Variants in DLG2 observed in about 807,000 individuals in gnomAD.
The protein encoded by DLG2 is disks large homolog 2.
DLG2 carries 45 observed loss-of-function variants against 132.5 expected under a neutral mutation model. The observed-to-expected ratio is 0.34, with a 90% CI of 0.27 to 0.44. The LOEUF is 0.44. Among genes scored for constraint, DLG2 ranks in the 20% least tolerant of loss-of-function variants. The probability of loss-of-function intolerance (pLI) is 1.00; values close to 1 mark genes in which losing one functional copy is unlikely to be tolerated. For synonymous variants in DLG2, 424 were observed against 419.6 expected (o/e 1.01, Z -0.13); for missense variants, 1,045 against 1,196.9 (o/e 0.87, Z 1.87).
At chr11:84,736,597 A>C (rs2063861927) in intron 6 of DLG2, among the ~76,000 whole-genome samples, 1 of 151,702 alleles carries the variant, frequency 6.6e-6, no homozygotes, top group African/African-American at 2.4e-5. Context: ...CAATGTACTG[A>C]TTTTTTTCAC....
chr11:83,954,317 G>T (rs1483402), intron 14 of DLG2, among the ~76,000 whole-genome samples: 5 of 152,086 alleles, frequency 3.3e-5, no homozygotes, highest in African/African-American at 7.2e-5. Flanking sequence ...TTCTATGAAT[G>T]ATTCTTCATG....
At chr11:85,567,231 G>C (rs915182370) in intron 3 of DLG2, among the ~76,000 whole-genome samples, 5 of 152,072 alleles carry the variant, frequency 3.3e-5, no homozygotes, top group Admixed American at 3.3e-4. Context: ...TATTTTGATA[G>C]GGATATATTG....
chr11:85,092,383 C>A (rs1011873688), intron 6 of DLG2, among the ~76,000 whole-genome samples: 4 of 151,876 alleles, frequency 2.6e-5, no homozygotes, highest in Non-Finnish European at 4.4e-5. Flanking sequence ...ACAATCCTAA[C>A]AAATTAAAAT....
intron 5 of DLG2, among the ~76,000 whole-genome samples, chr11:85,121,788 G>A (rs1474930136): frequency 6.6e-6 from 1 of 152,088 alleles, no homozygotes; most frequent in Non-Finnish European, 1.5e-5. Flanking sequence ...CTCCATCAGA[G>A]TACAAAGATT....
rs187629127 is a variant in DLG2 at position 84,154,645 on chromosome 11, C to T, written c.624+8816G>A. ...GTATATCTCCTAATGCTATCCCTCCCCCCTTCCCCCACCCCACGACAGGCC... is the reference window on the plus strand; with the variant it reads ...GTATATCTCCTAATGCTATCCCTCCTCCCTTCCCCCACCCCACGACAGGCC... On this transcript the variant is annotated intron_variant, in intron 9 of 27. Coordinates refer to ENST00000376104, the MANE Select transcript of DLG2 (RefSeq NM_001142699.3). Among the ~76,000 whole-genome samples, 468 of 152,236 alleles carry T rather than the reference C, an allele frequency of 3.1e-3. 1 individual carries two copies. Among genetic ancestry groups the T allele is most frequent in the Non-Finnish European group, 5.3e-3 (363 of 68,020 alleles).
At chr11:84,052,060 T>C (rs2096397148) in intron 11 of DLG2, among the ~76,000 whole-genome samples, 1 of 151,742 alleles carries the variant, frequency 6.6e-6, no homozygotes, top group South Asian at 2.1e-4. Flanking sequence ...TAAGGCTAAG[T>C]TTTAATATAC....
At chr11:83,984,065 C>G (rs2093029724) in intron 11 of DLG2, among the ~76,000 whole-genome samples, 1 of 151,968 alleles carries the variant, frequency 6.6e-6, no homozygotes. Context: ...ACAAGAAGAG[C>G]TGTAGAAATA....
At chr11:84,999,405 G>A (rs895220052) in intron 6 of DLG2, among the ~76,000 whole-genome samples, 11 of 152,044 alleles carry the variant, frequency 7.2e-5, no homozygotes, top group Non-Finnish European at 1.3e-4. Context: ...TGTTCAAAGA[G>A]AGATATATCT....
intron 8 of DLG2, among the ~76,000 whole-genome samples, chr11:84,170,737 T>G (rs1269853880): frequency 6.6e-6 from 1 of 152,202 alleles, no homozygotes; most frequent in African/African-American, 2.4e-5. Context: ...CTCCTGAGTC[T>G]GTGATTTAAC....
At chr11:84,651,239 CCTTTT>C (rs1424668848) in intron 6 of DLG2, among the ~76,000 whole-genome samples, 2 of 152,196 alleles carry the variant, frequency 1.3e-5, no homozygotes, top group East Asian at 1.9e-4. Flanking sequence ...CAGGCTCACT[CCTTTT>C]CTTTTCATCT....
At chr11:84,144,371 G>C (rs1485902330) in intron 9 of DLG2, among the ~76,000 whole-genome samples, 1 of 152,068 alleles carries the variant, frequency 6.6e-6, no homozygotes, top group Non-Finnish European at 1.5e-5. Context: ...TACTCTTCCA[G>C]ATACAGGGTT....
At chr11:83,518,853 A>G (rs76247598) in intron 21 of DLG2, among the ~76,000 whole-genome samples, 12 of 152,210 alleles carry the variant, frequency 7.9e-5, no homozygotes, top group African/African-American at 1.2e-4. Flanking sequence ...AATAAAAAAA[A>G]GAAGTTTGTT....
intron 6 of DLG2, among the ~76,000 whole-genome samples, chr11:84,848,049 T>A (rs1006747461): frequency 1.3e-5 from 2 of 151,886 alleles, no homozygotes; most frequent in Admixed American, 6.6e-5. Flanking sequence ...TGAAAATGAG[T>A]CAGAGGATGG....
At chr11:84,838,037 A>G (rs1021194684) in intron 6 of DLG2, among the ~76,000 whole-genome samples, 4 of 151,896 alleles carry the variant, frequency 2.6e-5, no homozygotes, top group African/African-American at 7.2e-5. Flanking sequence ...ATTTACACAC[A>G]TAAACAAAGA....
intron 19 of DLG2, among the ~76,000 whole-genome samples, chr11:83,625,287 T>C (rs1168480509): frequency 6.6e-6 from 1 of 152,182 alleles, no homozygotes; most frequent in African/African-American, 2.4e-5. Flanking sequence ...CCTTAAATGT[T>C]CTCAAGAAAT....
At chr11:85,574,992 C>T (rs1416144930) in intron 3 of DLG2, among the ~76,000 whole-genome samples, 2 of 152,232 alleles carry the variant, frequency 1.3e-5, no homozygotes, top group Middle Eastern at 3.4e-3. Context: ...AACTATTTCT[C>T]ACCTGGAATA....
chr11:84,379,605 A>G (rs1278610740), intron 7 of DLG2, among the ~76,000 whole-genome samples: 6 of 152,134 alleles, frequency 3.9e-5, no homozygotes, highest in Non-Finnish European at 8.8e-5. Context: ...TGAGATAATT[A>G]GAAAAGAAAT....
intron 18 of DLG2, chr11:83,725,115 C>A (rs2089743264): frequency 3.7e-6 from 2 of 547,760 alleles, no homozygotes; most frequent in Admixed American, 6.0e-5. Flanking sequence ...GGATTATTTT[C>A]TCCGTTTTAA....
chr11:85,322,935 T>C lies in DLG2; in HGVS notation c.41-37570A>G, dbSNP rs114663748. Among the ~76,000 whole-genome samples, 283 of 152,328 alleles carry C rather than the reference T, an allele frequency of 1.9e-3. 1 individual carries two copies. Among genetic ancestry groups the C allele is most frequent in the African/African-American group, 6.2e-3 (259 of 41,580 alleles). On this transcript the variant is annotated intron_variant, in intron 3 of 27. Coordinates refer to ENST00000376104, the MANE Select transcript of DLG2 (RefSeq NM_001142699.3). ...TCCTGTTTCTACCCTTTAAATAGGA[T>C]AATCTTTTAAAATTATAAGTCTGAT...
Sources: allele counts gnomAD v4.1 joint callset (sites outside exome capture counted in the v4.1 genomes callset), GRCh38; gene constraint gnomAD v4.1.1; transcripts MANE v1.5; gene names NCBI Gene and HGNC (gene_info 2026-07-23, HGNC 2026-07-21).